Variants in METAP1 observed in about 807,000 individuals in gnomAD.
METAP1 encodes methionyl aminopeptidase 1, also known as methionine aminopeptidase 1.
In METAP1, 28 loss-of-function variants were observed where a neutral mutation model predicts 53.8. The ratio of observed to expected loss-of-function variants is 0.52; its 90% CI spans 0.39 to 0.71. METAP1 has a LOEUF of 0.71. METAP1 is among the 30% of genes least tolerant of loss of function. METAP1 has a pLI of 0.00. For synonymous variants in METAP1, 181 were observed against 165.7 expected, an observed-to-expected ratio of 1.09 and a Z score of -0.71; for missense variants, 389 against 479.8, an observed-to-expected ratio of 0.81 and a Z score of 1.77.
intron 5 of METAP1, among the ~76,000 whole-genome samples, chr4:99,040,314 C>G (rs1321482132): frequency 6.6e-6 from 1 of 152,046 alleles, no homozygotes; most frequent in Non-Finnish European, 1.5e-5. Flanking sequence ...CATATTTATT[C>G]TGAAGGAAAA....
chr4:99,038,772 C>T (rs906715110), intron 4 of METAP1, among the ~76,000 whole-genome samples: 27 of 152,060 alleles, frequency 1.8e-4, no homozygotes, highest in Admixed American at 5.9e-4. Context: ...GCTTTTATAA[C>T]GTGATCTTTG....
intron 1 of METAP1, among the ~76,000 whole-genome samples, chr4:99,012,123 A>G (rs558758575): frequency 2.6e-5 from 4 of 152,052 alleles, no homozygotes; most frequent in Non-Finnish European, 5.9e-5. Context: ...CCGGTCTTGC[A>G]TTCCTGGCCT....
intron 1 of METAP1, among the ~76,000 whole-genome samples, chr4:99,003,976 T>C (rs939956410): frequency 1.9e-4 from 29 of 152,342 alleles, no homozygotes; most frequent in Non-Finnish European, 4.1e-4. Flanking sequence ...ACTTAAAACT[T>C]GACTGGCTTC....
chr4:99,022,840 C>T, intron 1 of METAP1: 1 of 1,571,652 alleles, frequency 6.4e-7, no homozygotes, highest in Non-Finnish European at 8.6e-7. Flanking sequence ...TGTGGTACTG[C>T]TTTTTTCCCT....
At chr4:99,060,454 C>T (rs1727466426) in intron 10 of METAP1, among the ~76,000 whole-genome samples, 1 of 149,246 alleles carries the variant, frequency 6.7e-6, no homozygotes, top group Non-Finnish European at 1.5e-5. Context: ...AGCTCTGCCT[C>T]CCAGGTTCAT....
At chr4:98,999,667 C>T (rs1316670057) in intron 1 of METAP1, among the ~76,000 whole-genome samples, 3 of 150,744 alleles carry the variant, frequency 2.0e-5, no homozygotes, top group Admixed American at 6.6e-5. Flanking sequence ...CGCACCACCA[C>T]GCCTGGCTAA....
At chr4:99,022,438 C>T in intron 1 of METAP1, 1 of 629,698 alleles carries the variant, frequency 1.6e-6, no homozygotes, top group South Asian at 3.1e-5. Context: ...AGCCCATTCA[C>T]ACCCTACTGG....
At chr4:99,043,479 C>T in intron 7 of METAP1, 92 bp downstream of exon 7, 2 of 1,321,860 alleles carry the variant, frequency 1.5e-6, no homozygotes, top group Non-Finnish European at 1.0e-6. Context: ...TGACTTGCTT[C>T]CTGTACTTAA....
chr4:99,061,131 G>C, intron 10 of METAP1, 23 bp from the exon 11 acceptor site: 1 of 1,599,896 alleles, frequency 6.3e-7, no homozygotes, highest in Non-Finnish European at 8.5e-7. Flanking sequence ...AGTGAACTAA[G>C]AAATTGTTTT....
chr4:99,025,039 C>T (rs981934387), intron 1 of METAP1, among the ~76,000 whole-genome samples: 55 of 152,242 alleles, frequency 3.6e-4, no homozygotes, highest in African/African-American at 1.1e-3. Context: ...TCTAATGCCA[C>T]TGCTGATCTG....
At chr4:99,013,042 A>T (rs1033160988) in intron 1 of METAP1, among the ~76,000 whole-genome samples, 9 of 152,204 alleles carry the variant, frequency 5.9e-5, no homozygotes, top group African/African-American at 1.7e-4. Context: ...TGCATCCCGT[A>T]AGTTTTGCAT....
In METAP1 at chr4:99,023,027, C is replaced by T; in HGVS notation, c.115-5840C>T. ...ACTACCCGCTTCTTGCTGCCACAGG[C>T]TGCTGCTTTGGATTCCTCCTGCTCC... On this transcript the variant is annotated intron_variant, in intron 1 of 10. Coordinates refer to ENST00000296411, the MANE Select transcript of METAP1 (RefSeq NM_015143.3). 2 of 1,444,682 alleles carry T rather than the reference C, an allele frequency of 1.4e-6. 1 individual carries two copies. The highest frequency in any genetic ancestry group is 2.4e-5 in the South Asian group (2 of 82,736). The allele number at this position is 1,444,682 out of a possible 1,614,324, so 89.5% of individuals were successfully genotyped here.
At chr4:99,054,770 T>C (rs62325209) in intron 9 of METAP1, among the ~76,000 whole-genome samples, 3,749 of 152,184 alleles carry the variant, frequency 0.025, 57 homozygotes, top group Non-Finnish European at 0.035. Context: ...AATTTCAGTA[T>C]TGTGTTTCAG....
intron 1 of METAP1, among the ~76,000 whole-genome samples, chr4:99,015,491 AG>A (rs1219523876): frequency 1.3e-5 from 2 of 152,240 alleles, no homozygotes; most frequent in African/African-American, 4.8e-5. Flanking sequence ...GCTTACAATC[AG>A]GGGAAATGCT....
intron 6 of METAP1, 40 bp downstream of exon 6, chr4:99,041,166 A>G (rs1725837801): frequency 4.5e-6 from 6 of 1,321,644 alleles, no homozygotes; most frequent in Non-Finnish European, 6.3e-6. Context: ...ATTTTGTTAC[A>G]TTACTAGATG....
chr4:99,018,972 T>A (rs1002048193), intron 1 of METAP1, among the ~76,000 whole-genome samples: 2 of 152,130 alleles, frequency 1.3e-5, no homozygotes, highest in African/African-American at 4.8e-5. Flanking sequence ...TCATCAACAG[T>A]AGTTAGCAGG....
At chr4:99,059,385 T>C (rs1255267239) in intron 10 of METAP1, among the ~76,000 whole-genome samples, 8 of 152,232 alleles carry the variant, frequency 5.3e-5, no homozygotes, top group Non-Finnish European at 1.2e-4. Flanking sequence ...AAAACATCGA[T>C]GTACTCATCT....
chr4:99,020,836 T>C (rs1459741352), intron 1 of METAP1, among the ~76,000 whole-genome samples: 2 of 152,222 alleles, frequency 1.3e-5, no homozygotes, highest in East Asian at 3.9e-4. Context: ...CAATACTTGA[T>C]CATTAGTTGC....
At position 99,008,176 on chromosome 4, in the gene METAP1, G is replaced by C. The variant is rs79818346; in HGVS notation, c.114+12309G>C. Among the ~76,000 whole-genome samples, 585 of 152,316 alleles carry C rather than the reference G, an allele frequency of 3.8e-3. 27 individuals are homozygous for C. In the East Asian group the frequency reaches 0.11, roughly 28 times the overall value. On this transcript the variant is annotated intron_variant, in intron 1 of 10. Transcript: ENST00000296411. ...ATAGGTGTGAAAATCAAATAGAGGA[G>C]TAGGTAAATAAAATGGTATATATTA...
Sources: gnomAD v4.1 joint callset for allele counts (sites outside exome capture counted in the v4.1 genomes callset) on GRCh38, gnomAD v4.1.1 for gene constraint, MANE v1.5 for transcripts, NCBI Gene and HGNC (gene_info 2026-07-23, HGNC 2026-07-21) for gene names.